The following GRXCR2 variants were observed in gnomAD, a reference collection of about 807,000 sequenced individuals.
The protein encoded by GRXCR2 is glutaredoxin domain-containing cysteine-rich protein 2.
In GRXCR2, 23 loss-of-function variants were observed where a neutral mutation model predicts 24.8. The ratio of observed to expected loss-of-function variants is 0.93; its 90% CI spans 0.67 to 1.32. GRXCR2 has a LOEUF of 1.32. Among genes scored for constraint, GRXCR2 ranks in the 40% most tolerant of loss-of-function variants. The pLI is 0.00. For synonymous variants in GRXCR2, 130 were observed against 116.1 expected (o/e 1.12, Z -0.77); for missense variants, 315 against 303.4 (o/e 1.04, Z -0.28).
intron 2 of GRXCR2, among the ~76,000 whole-genome samples, chr5:145,901,732 T>C (rs906182824): frequency 1.3e-5 from 2 of 152,078 alleles, no homozygotes; most frequent in African/African-American, 4.8e-5. Context: ...GAAGAATGTT[T>C]CAGGCAGCAG....
chr5:145,928,472 T>C (rs892695190), intron 2 of GRXCR2, among the ~76,000 whole-genome samples: 2 of 152,152 alleles, frequency 1.3e-5, no homozygotes, highest in African/African-American at 4.8e-5. Context: ...ATTGCGGCAC[T>C]ATTCACAATA....
chr5:145,909,412 T>C (rs1481646404), intron 2 of GRXCR2, among the ~76,000 whole-genome samples: 1 of 87,608 alleles, frequency 1.1e-5, no homozygotes, highest in Non-Finnish European at 2.1e-5. Context: ...TCAGCTGAGA[T>C]GCTATTAACT....
chr5:145,880,790 G>A (rs866621417), intron 2 of GRXCR2, among the ~76,000 whole-genome samples: 3 of 152,092 alleles, frequency 2.0e-5, no homozygotes, highest in African/African-American at 7.2e-5. Context: ...ATAACATACT[G>A]GCAAACCAAA....
At chr5:145,897,208 C>T (rs1453728104) in intron 2 of GRXCR2, among the ~76,000 whole-genome samples, 1 of 151,538 alleles carries the variant, frequency 6.6e-6, no homozygotes, top group Admixed American at 6.6e-5. Flanking sequence ...AGCACACCAA[C>T]ATGGCTCATG....
At chr5:145,865,515 AT>A (rs147392242) in intron 2 of GRXCR2, among the ~76,000 whole-genome samples, 1,718 of 152,298 alleles carry the variant, frequency 0.011, 35 homozygotes, top group African/African-American at 0.039. Flanking sequence ...TTTTAAAAGA[AT>A]TTTTATACTA....
upstream of GRXCR2, among the ~76,000 whole-genome samples, chr5:145,876,961 A>G (rs968463941): frequency 1.3e-5 from 2 of 152,308 alleles, no homozygotes; most frequent in African/African-American, 2.4e-5. Flanking sequence ...AAATGCTAGT[A>G]TCAGTTGACT....
At chr5:145,898,786 C>T (rs2149921842) in intron 2 of GRXCR2, among the ~76,000 whole-genome samples, 1 of 152,010 alleles carries the variant, frequency 6.6e-6, no homozygotes, top group East Asian at 1.9e-4. Context: ...ATAATAAGAG[C>T]CATCTATGAC....
upstream of GRXCR2, among the ~76,000 whole-genome samples, chr5:145,876,813 C>T (rs760038037): frequency 2.0e-5 from 3 of 152,142 alleles, no homozygotes; most frequent in Non-Finnish European, 4.4e-5. Flanking sequence ...GTCACAAATA[C>T]ACTTCAAGAA....
intron 2 of GRXCR2, among the ~76,000 whole-genome samples, chr5:145,891,904 T>A (rs1756870897): frequency 6.6e-6 from 1 of 152,036 alleles, no homozygotes; most frequent in Admixed American, 6.6e-5. Flanking sequence ...GATTGACACC[T>A]CACACGGCCG....
intron 2 of GRXCR2, among the ~76,000 whole-genome samples, chr5:145,915,441 A>G (rs919461688): frequency 1.3e-5 from 2 of 152,130 alleles, no homozygotes; most frequent in African/African-American, 4.8e-5. Context: ...TCCAACTTTC[A>G]TGTGGTAGAT....
Position 145,859,544 on chromosome 5 carries a change from C to G in GRXCR2, c.*189G>C. On this transcript the variant is annotated 3_prime_UTR_variant, in exon 3 of 3. Transcript: ENST00000377976. ...CTATAATTCAGAAATGCCCCTGCCA[C>G]TTAGACCCACAGAGAGATGTTACCG... 1.6e-6 allele frequency: 1 copy of G among 611,352 alleles called. No homozygotes were observed. The highest frequency in any genetic ancestry group is 3.0e-6 in the Non-Finnish European group (1 of 338,574). The allele number at this position is 611,352 out of a possible 1,614,324, so 37.9% of individuals were successfully genotyped here. A position where few individuals can be genotyped will look rare whatever the true frequency, so the allele number is the denominator to read the frequency against.
In GRXCR2 at chr5:145,925,839, G is replaced by A. The variant is rs567225059; in HGVS notation, c.-70+9862C>T. Among the ~76,000 whole-genome samples the A allele has an allele frequency of 2.4e-4, 36 of 151,856 alleles. 1 individual carries two copies. In the South Asian group the frequency reaches 7.5e-3, roughly 32 times the overall value. ...AATCATTCTAATTCTTTTTTAATAA[G>A]GGAAAAAAATTTGTTTCTCCTGTAT... On this transcript the variant is annotated intron_variant, in intron 2 of 3. Transcript: ENST00000639411.
At chr5:145,910,670 T>G (rs1190596766) in intron 2 of GRXCR2, among the ~76,000 whole-genome samples, 2 of 152,162 alleles carry the variant, frequency 1.3e-5, no homozygotes, top group Non-Finnish European at 2.9e-5. Context: ...TGCACTGTCA[T>G]GGGGAAGACA....
intron 2 of GRXCR2, among the ~76,000 whole-genome samples, chr5:145,915,793 G>A (rs774629582): frequency 6.6e-6 from 1 of 151,958 alleles, no homozygotes; most frequent in Non-Finnish European, 1.5e-5. Context: ...AAGGCTGTGT[G>A]TCTTTGGACA....
intron 1 of GRXCR2, among the ~76,000 whole-genome samples, chr5:145,872,373 A>G (rs1305554602): frequency 6.6e-6 from 1 of 152,238 alleles, no homozygotes; most frequent in Non-Finnish European, 1.5e-5. Flanking sequence ...AACTCAGTCA[A>G]AGATCCAATT....
At chr5:145,909,158 T>C (rs1042452439) in intron 2 of GRXCR2, among the ~76,000 whole-genome samples, 26 of 152,224 alleles carry the variant, frequency 1.7e-4, no homozygotes, top group African/African-American at 6.0e-4. Context: ...CAGCACATCA[T>C]ACTCAACAAC....
At chr5:145,892,867 A>T (rs1390700637) in intron 2 of GRXCR2, among the ~76,000 whole-genome samples, 2 of 152,246 alleles carry the variant, frequency 1.3e-5, no homozygotes, top group Non-Finnish European at 2.9e-5. Flanking sequence ...AAAAAATGTT[A>T]AGGGCAGCCA....
chr5:145,883,948 TA>T (rs1374840528), intron 2 of GRXCR2, among the ~76,000 whole-genome samples: 1 of 152,178 alleles, frequency 6.6e-6, no homozygotes, highest in Non-Finnish European at 1.5e-5. Context: ...AATACTTTTG[TA>T]AAACTCTGAT....
rs142120979 is a variant in GRXCR2 at position 145,886,881 on chromosome 5, C to T, written c.-69-20153G>A. On this transcript the variant is annotated intron_variant, in intron 2 of 3. Coordinates refer to the GRXCR2 transcript ENST00000639411. ...GCTATTTTAGGTTCTTTTTTTCCTA[C>T]TAAACCCTTTAATTCCTATGTGTAT... Among the ~76,000 whole-genome samples, 4 of 152,230 alleles carry T rather than the reference C, an allele frequency of 2.6e-5. No individual in the cohort carries two copies. The East Asian group carries it at 7.7e-4, about 29-fold the overall frequency.
Sources: gnomAD v4.1 joint callset for allele counts (sites outside exome capture counted in the v4.1 genomes callset) on GRCh38, gnomAD v4.1.1 for gene constraint, MANE v1.5 for transcripts, NCBI Gene and HGNC (gene_info 2026-07-23, HGNC 2026-07-21) for gene names.